Variants in CNOT4 observed in about 807,000 individuals in gnomAD.
CNOT4 encodes the protein CCR4-NOT transcription complex subunit 4.
Under a neutral mutation model 73.8 loss-of-function variants are expected in CNOT4, and 8 were observed. The observed-to-expected ratio is 0.11, with a 90% CI of 0.06 to 0.20. The LOEUF (loss-of-function observed/expected upper bound fraction) is 0.20, where lower values mean the gene tolerates loss of function less well. Among genes scored for constraint, CNOT4 ranks in the 10% least tolerant of loss-of-function variants. CNOT4 has a pLI of 1.00. For missense variants in CNOT4, 564 were observed against 883.4 expected, an observed-to-expected ratio of 0.64 and a Z score of 4.58; for synonymous variants, 293 against 321.1, an observed-to-expected ratio of 0.91 and a Z score of 0.94.
At chr7:135,388,783 C>A (rs375843658) in intron 10 of CNOT4, 1 of 1,611,638 alleles carries the variant, frequency 6.2e-7, no homozygotes, top group South Asian at 1.1e-5. Context: ...CCTCTCCTCT[C>A]AGTTCTGTTG....
chr7:135,452,117 T>C (rs1371806921), intron 1 of CNOT4, among the ~76,000 whole-genome samples: 1 of 151,564 alleles, frequency 6.6e-6, no homozygotes, highest in Admixed American at 6.6e-5. Flanking sequence ...AGCACACCTG[T>C]AGTGCCAGCT....
intron 7 of CNOT4, among the ~76,000 whole-genome samples, chr7:135,402,088 TA>T (rs1467119313): frequency 1.3e-5 from 2 of 151,632 alleles, no homozygotes; most frequent in Non-Finnish European, 2.9e-5. Context: ...TAAATTGTTT[TA>T]AAAATCCATG....
intron 3 of CNOT4, among the ~76,000 whole-genome samples, chr7:135,418,096 A>C (rs1171000248): frequency 6.6e-6 from 1 of 152,262 alleles, no homozygotes; most frequent in African/African-American, 2.4e-5. Context: ...GAAAAACTGA[A>C]CTATCTTAGC....
intron 1 of CNOT4, among the ~76,000 whole-genome samples, chr7:135,470,139 G>C (rs182580247): frequency 1.7e-4 from 26 of 149,878 alleles, no homozygotes; most frequent in East Asian, 4.0e-4. Context: ...GTTTTTTTGG[G>C]GGGGGAGGCC....
intron 1 of CNOT4, among the ~76,000 whole-genome samples, chr7:135,441,809 T>C (rs991596836): frequency 4.6e-5 from 7 of 152,182 alleles, no homozygotes; most frequent in African/African-American, 1.4e-4. Context: ...TTTAAAAAAG[T>C]TTACAAGAGT....
chr7:135,385,623 CTTTCCTAGTAAGGTTTTT>C (rs2129483063), intron 10 of CNOT4, among the ~76,000 whole-genome samples: 1 of 152,296 alleles, frequency 6.6e-6, no homozygotes, highest in African/African-American at 2.4e-5. Flanking sequence ...GAATGTTTGT[CTTTCCTAGTAAGGTTTTT>C]TCACCTCCCT....
At chr7:135,387,571 T>A (rs1404858597) in intron 10 of CNOT4, 2 of 975,154 alleles carry the variant, frequency 2.1e-6, no homozygotes, top group African/African-American at 3.5e-5. Context: ...TTTTAACAAA[T>A]TAAAGCATAC....
intron 7 of CNOT4, among the ~76,000 whole-genome samples, chr7:135,407,699 G>GTT (rs11393668): frequency 2.6e-5 from 4 of 152,236 alleles, no homozygotes; most frequent in East Asian, 1.9e-4. Flanking sequence ...GTTTGTTTTT[G>GTT]TTTTTTGTAG....
In CNOT4 at chr7:135,394,223, G is replaced by A. The variant is rs759187137; in HGVS notation, c.1322C>T (p.Ser441Leu). Residue 441 changes from serine (S) to leucine (L), a missense_variant, in exon 10 of 12, where the codon TCA becomes TTA. Transcript: ENST00000541284. The part of the protein sequence containing the change: ...LSPTSLQNSS[S>L]HTTTAKGPGS... ...TGGACCTTTGGCGGTTGTAGTGTGTGAAGAGGAGTTCTGAAGAGATGTGGG... is the reference window on the plus strand; with the variant it reads ...TGGACCTTTGGCGGTTGTAGTGTGTAAAGAGGAGTTCTGAAGAGATGTGGG... 1.2e-6 allele frequency: 2 copies of A among 1,614,192 alleles called. No individual in the cohort carries two copies. Among genetic ancestry groups the A allele is most frequent in the South Asian group, 1.1e-5 (1 of 91,078 alleles).
chr7:135,438,523 A>G, intron 1 of CNOT4, 100 bp from the exon 2 acceptor site: 1 of 400,602 alleles, frequency 2.5e-6, no homozygotes, highest in Non-Finnish European at 4.4e-6. Flanking sequence ...ATACTGACTG[A>G]GCAACTACTG....
intron 1 of CNOT4, among the ~76,000 whole-genome samples, chr7:135,487,695 T>C (rs556937297): frequency 1.3e-5 from 2 of 152,308 alleles, no homozygotes; most frequent in African/African-American, 2.4e-5. Context: ...TATTATCTCA[T>C]GCATTGCTTT....
intron 1 of CNOT4, among the ~76,000 whole-genome samples, chr7:135,496,931 C>T (rs1803624315): frequency 6.6e-6 from 1 of 151,820 alleles, no homozygotes; most frequent in Admixed American, 6.6e-5. Flanking sequence ...CTTAAACTCC[C>T]AAGTAGCTGG....
At chr7:135,450,714 C>T in intron 1 of CNOT4, among the ~76,000 whole-genome samples, 1 of 152,218 alleles carries the variant, frequency 6.6e-6, no homozygotes, top group Admixed American at 6.5e-5. Flanking sequence ...TAAACTGAAT[C>T]ACACATTTCT....
intron 7 of CNOT4, among the ~76,000 whole-genome samples, chr7:135,409,328 AC>A (rs1797470312): frequency 6.6e-6 from 1 of 152,160 alleles, no homozygotes; most frequent in Non-Finnish European, 1.5e-5. Context: ...ATCTGTTTTG[AC>A]TTAGCTTTTA....
At chr7:135,406,060 C>T (rs2129483868) in intron 7 of CNOT4, among the ~76,000 whole-genome samples, 1 of 152,202 alleles carries the variant, frequency 6.6e-6, no homozygotes, top group East Asian at 1.9e-4. Flanking sequence ...GAAAGAGTTA[C>T]ACTGCTCATC....
chr7:135,413,876 G>A (rs556671360), intron 5 of CNOT4, among the ~76,000 whole-genome samples: 90 of 152,112 alleles, frequency 5.9e-4, no homozygotes, highest in African/African-American at 2.0e-3. Context: ...TATAAGGAGA[G>A]GAGATAGACA....
Position 135,362,623 on chromosome 7 carries a change from T to G in CNOT4, c.*262A>C, listed in dbSNP as rs1473203376. 1 of 581,872 alleles carries G rather than the reference T, an allele frequency of 1.7e-6. No individual in the cohort carries two copies. The highest frequency in any genetic ancestry group is 3.1e-6 in the Non-Finnish European group (1 of 325,138). 36.0% of individuals were successfully genotyped at this position (581,872 alleles called of 1,614,324 possible). ...AGTATTGAGACTGCCCTTTGATTTT[T>G]TTTTCTCTCCTTAAAAAGGCATTTT... On this transcript the variant is annotated 3_prime_UTR_variant, in exon 12 of 12. Coordinates refer to ENST00000541284, the MANE Select transcript of CNOT4 (RefSeq NM_001190850.2).
intron 7 of CNOT4, among the ~76,000 whole-genome samples, chr7:135,410,184 G>C (rs1014602908): frequency 6.6e-6 from 1 of 151,978 alleles, no homozygotes; most frequent in African/African-American, 2.4e-5. Flanking sequence ...ATATCAAGGG[G>C]GACCTCAATT....
intron 1 of CNOT4, among the ~76,000 whole-genome samples, chr7:135,464,940 GAA>G (rs901094067): frequency 1.1e-4 from 16 of 152,064 alleles, no homozygotes; most frequent in African/African-American, 3.9e-4. Context: ...TAAGGTACAA[GAA>G]ACACAGATTA....
Sources: allele counts gnomAD v4.1 joint callset (sites outside exome capture counted in the v4.1 genomes callset), GRCh38; gene constraint gnomAD v4.1.1; transcripts MANE v1.5; gene names NCBI Gene and HGNC (gene_info 2026-07-23, HGNC 2026-07-21).